The following NETO2 variants were observed in gnomAD, a reference collection of about 807,000 sequenced individuals.
NETO2 encodes the protein neuropilin and tolloid like 2, also known as neuropilin and tolloid-like protein 2.
Under a neutral mutation model 62.5 loss-of-function variants are expected in NETO2, and 28 were observed. The observed-to-expected ratio is 0.45, with a 90% CI of 0.33 to 0.61. NETO2 has a LOEUF of 0.61. Among genes scored for constraint, NETO2 ranks in the 20% least tolerant of loss-of-function variants. The pLI, the probability that NETO2 is intolerant of heterozygous loss-of-function variation, is 0.02. For synonymous variants in NETO2, 214 were observed against 219.1 expected (o/e 0.98, Z 0.21); for missense variants, 548 against 643.2 (o/e 0.85, Z 1.60).
intron 7 of NETO2, among the ~76,000 whole-genome samples, 181 bp from the exon 8 acceptor site, chr16:47,086,520 T>G (rs964259892): frequency 6.6e-6 from 1 of 152,218 alleles, no homozygotes; most frequent in South Asian, 2.1e-4. Context: ...TCATTCAAAC[T>G]TTTTCTTATG....
chr16:47,122,951 T>A (rs371322299), intron 4 of NETO2, 39 bp from the exon 5 acceptor site: 8 of 1,580,808 alleles, frequency 5.1e-6, no homozygotes, highest in Non-Finnish European at 6.1e-6. Flanking sequence ...GGTACTGAGA[T>A]AGTTACTTTA....
Position 47,083,897 on chromosome 16 carries a change from T to C in NETO2, c.998-96A>G, listed in dbSNP as rs2231981. ...GGTATTTTTAGGTAAAACAGAATAC[T>C]TGGGCCAAATATACTACAGACAATG... On this transcript the variant is annotated intron_variant, in intron 8 of 8. Transcript: ENST00000562435. 0.055 allele frequency: 46,652 copies of C among 853,048 alleles called. 2,585 individuals are homozygous for C. Among genetic ancestry groups the C allele is most frequent in the African/African-American group, 0.25 (14,759 of 58,638 alleles). The allele number at this position is 853,048 out of a possible 1,614,324, so 52.8% of individuals were successfully genotyped here.
intron 7 of NETO2, among the ~76,000 whole-genome samples, chr16:47,108,938 T>C (rs1290848648): frequency 3.9e-5 from 6 of 152,224 alleles, no homozygotes; most frequent in Non-Finnish European, 8.8e-5. Context: ...TTGATGACCA[T>C]AGTTTCATGG....
At chr16:47,122,402 T>G (rs1238032119) in intron 6 of NETO2, among the ~76,000 whole-genome samples, 2 of 152,210 alleles carry the variant, frequency 1.3e-5, no homozygotes, top group African/African-American at 4.8e-5. Flanking sequence ...TTAAGAATCT[T>G]AATCTTTTAT....
At chr16:47,142,971 C>T (rs548175414) in intron 1 of NETO2, among the ~76,000 whole-genome samples, 36 of 151,892 alleles carry the variant, frequency 2.4e-4, no homozygotes, top group African/African-American at 8.4e-4. Flanking sequence ...CCCCGGGGGC[C>T]GGGACAAGCC....
At chr16:47,092,356 G>C (rs376627890) in intron 7 of NETO2, among the ~76,000 whole-genome samples, 1 of 152,178 alleles carries the variant, frequency 6.6e-6, no homozygotes, top group African/African-American at 2.4e-5. Flanking sequence ...CTAACATGGG[G>C]ATGCTGTTGG....
At chr16:47,117,034 T>C (rs1421863135) in intron 6 of NETO2, among the ~76,000 whole-genome samples, 5 of 152,150 alleles carry the variant, frequency 3.3e-5, no homozygotes, top group Non-Finnish European at 7.3e-5. Flanking sequence ...CCTTTAGTCA[T>C]GAAGTTTCAT....
chr16:47,079,288 A>T lies in NETO2; in HGVS notation c.*3933T>A, dbSNP rs1224820924. 6.9e-6 allele frequency: 1 copy of T among 145,122 alleles called. No individual in the cohort carries two copies. Among genetic ancestry groups the T allele is most frequent in the Non-Finnish European group, 1.5e-5 (1 of 66,718 alleles). The allele number at this position is 145,122 out of a possible 1,614,324, so 9.0% of individuals were successfully genotyped here. On this transcript the variant is annotated 3_prime_UTR_variant, in exon 9 of 9. Coordinates refer to ENST00000562435, the MANE Select transcript of NETO2 (RefSeq NM_018092.5). ...AGAGCGAGACTCTGTCTCAAAAAAC[A>T]AAAAAACAGAAAAACAAAAACAGAA...
rs576767764 is a variant in NETO2, at chr16:47,087,647, T to C, written c.884-1308A>G. Among the ~76,000 whole-genome samples, 4 of 152,340 alleles carry C rather than the reference T, an allele frequency of 2.6e-5. No homozygotes were observed. In the East Asian group the frequency reaches 7.7e-4, roughly 29 times the overall value. On this transcript the variant is annotated intron_variant, in intron 7 of 8. Coordinates refer to ENST00000562435, the MANE Select transcript of NETO2 (RefSeq NM_018092.5). ...ATAAAAAAAATCCACTCTTCTGGAT[T>C]CAAAAAAATTGTTTTAAGGACACTA...
At chr16:47,104,687 C>A (rs1462824306) in intron 7 of NETO2, among the ~76,000 whole-genome samples, 1 of 152,100 alleles carries the variant, frequency 6.6e-6, no homozygotes, top group Admixed American at 6.6e-5. Context: ...ACATATAGAC[C>A]AATGGAATTA....
intron 7 of NETO2, among the ~76,000 whole-genome samples, chr16:47,093,195 T>C (rs1462897279): frequency 6.6e-6 from 1 of 152,216 alleles, no homozygotes; most frequent in Non-Finnish European, 1.5e-5. Context: ...CTACCTTTCC[T>C]GCCTCCTTTC....
At chr16:47,116,390 T>A (rs1963923062) in intron 6 of NETO2, among the ~76,000 whole-genome samples, 1 of 152,222 alleles carries the variant, frequency 6.6e-6, no homozygotes, top group East Asian at 1.9e-4. Context: ...TTTTAACAAA[T>A]GGAGACAATC....
chr16:47,128,536 T>C lies in NETO2; in HGVS notation c.270A>G (p.Glu90=), dbSNP rs939743425. The change falls in exon 4 of 9, where the codon GAA becomes GAG. Residue 90 remains glutamate (E), a synonymous_variant. Coordinates refer to ENST00000562435, the MANE Select transcript of NETO2 (RefSeq NM_018092.5). ...PRQRIELTFD[E]HYYIEPSFEC... ...CAAATGATGGTTCTATATAATAATG[T>C]TCATCAAAGGTCAACTCTATTCTTT... 1 of 1,613,594 alleles carries C rather than the reference T, an allele frequency of 6.2e-7. No homozygotes were observed. The highest frequency in any genetic ancestry group is 2.2e-5 in the East Asian group (1 of 44,864).
chr16:47,108,982 A>T (rs979912561), intron 7 of NETO2, among the ~76,000 whole-genome samples: 2 of 152,228 alleles, frequency 1.3e-5, no homozygotes, highest in African/African-American at 4.8e-5. Context: ...AATTAATACT[A>T]CTACTAAGTT....
Position 47,104,226 on chromosome 16 carries a change from C to T in NETO2, c.883+5257G>A, listed in dbSNP as rs1194003765. Among the ~76,000 whole-genome samples the T allele has an allele frequency of 2.6e-5, 4 of 152,070 alleles. No homozygotes were observed. The East Asian group carries it at 7.7e-4, about 29-fold the overall frequency. On this transcript the variant is annotated intron_variant, in intron 7 of 8. Transcript: ENST00000562435. ...CCGCATACACAAATCCGTTGCATTTCTAAACACTGCCAATTAACAATTAGA... is the reference window on the plus strand; with the variant it reads ...CCGCATACACAAATCCGTTGCATTTTTAAACACTGCCAATTAACAATTAGA...
At position 47,128,484 on chromosome 16, in the gene NETO2, G is replaced by A. The variant is rs759414615; in HGVS notation, c.322C>T (p.Arg108Ter). 4 of 1,613,966 alleles carry A rather than the reference G, an allele frequency of 2.5e-6. No individual in the cohort carries two copies. The highest frequency in any genetic ancestry group is 3.4e-6 in the Non-Finnish European group (4 of 1,179,988). ...FECRFDHLEV[R>*]DGPFGFSPLI... The stretch of plus-strand genomic sequence containing the variant: ...GGAGAGAAACCAAATGGCCCATCTC[G>A]AACTTCCAAGTGATCAAACCGACAC... The change falls in exon 4 of 9, where the codon CGA becomes TGA. Residue 108 changes from arginine to a stop codon, truncating the protein, a stop_gained. Transcript: ENST00000562435. LOFTEE classifies it high-confidence loss of function.
intron 7 of NETO2, among the ~76,000 whole-genome samples, chr16:47,089,461 A>G (rs970211332): frequency 8.5e-5 from 13 of 152,182 alleles, no homozygotes; most frequent in African/African-American, 3.1e-4. Flanking sequence ...ATTTGATGAG[A>G]CTATGCAATC....
chr16:47,110,998 T>A (rs1465189747), intron 6 of NETO2, among the ~76,000 whole-genome samples: 2 of 152,238 alleles, frequency 1.3e-5, no homozygotes, highest in Non-Finnish European at 2.9e-5. Context: ...AAAGTCTTCA[T>A]GCGTGTATTT....
At chr16:47,084,900 TG>T (rs1356407142) in intron 8 of NETO2, among the ~76,000 whole-genome samples, 1 of 152,172 alleles carries the variant, frequency 6.6e-6, no homozygotes, top group East Asian at 1.9e-4. Context: ...TATATTACAA[TG>T]TAATAATAAT....
Sources: gnomAD v4.1 joint callset for allele counts (sites outside exome capture counted in the v4.1 genomes callset) on GRCh38, gnomAD v4.1.1 for gene constraint, MANE v1.5 for transcripts, NCBI Gene and HGNC (gene_info 2026-07-23, HGNC 2026-07-21) for gene names.